The following TUSC3 variants were observed in gnomAD, a reference collection of about 807,000 sequenced individuals.
The protein encoded by TUSC3 is dolichyl-diphosphooligosaccharide--protein glycosyltransferase subunit TUSC3.
Under a neutral mutation model 44.8 loss-of-function variants are expected in TUSC3, and 45 were observed. That is an observed-to-expected ratio of 1.00 (90% CI 0.79 to 1.29). The LOEUF (loss-of-function observed/expected upper bound fraction) is 1.29, where lower values mean the gene tolerates loss of function less well. TUSC3 is among the 50% of genes most tolerant of loss of function. The pLI is 0.00. For missense variants in TUSC3, 519 were observed against 437.9 expected (o/e 1.19, Z -1.65); for synonymous variants, 212 against 152.9 (o/e 1.39, Z -2.85).
At chr8:15,776,312 A>AAC in the TUSC3 span, among the ~76,000 whole-genome samples, 1 of 152,076 alleles carries the variant, frequency 6.6e-6, no homozygotes, top group Non-Finnish European at 1.5e-5. Flanking sequence ...TTCTATCTTT[A>AAC]ACACGTTTTT....
At chr8:15,425,718 C>G (rs1163645537) in intron 1 of TUSC3, among the ~76,000 whole-genome samples, 4 of 152,216 alleles carry the variant, frequency 2.6e-5, no homozygotes, top group Non-Finnish European at 5.9e-5. Context: ...ACAAATCTCT[C>G]ATGGCTTTGA....
chr8:15,526,565 C>A (rs114271334), intron 2 of TUSC3, among the ~76,000 whole-genome samples: 6,701 of 151,994 alleles, frequency 0.044, 202 homozygotes, highest in African/African-American at 0.086. Flanking sequence ...GAGATCTTAT[C>A]GTTTTATAAT....
chr8:15,683,772 CT>C (rs1808515525), intron 6 of TUSC3, among the ~76,000 whole-genome samples: 1 of 152,036 alleles, frequency 6.6e-6, no homozygotes, highest in South Asian at 2.1e-4. Flanking sequence ...GCTTCTTTTT[CT>C]TTTTGAATTT....
chr8:15,717,744 T>C (rs1176053357), intron 6 of TUSC3, among the ~76,000 whole-genome samples: 1 of 152,098 alleles, frequency 6.6e-6, no homozygotes, highest in Non-Finnish European at 1.5e-5. Flanking sequence ...TTTTGTACCA[T>C]GTAACTTAAT....
chr8:15,619,722 G>T (rs567990274), intron 1 of TUSC3, among the ~76,000 whole-genome samples: 1 of 152,186 alleles, frequency 6.6e-6, no homozygotes, highest in East Asian at 1.9e-4. Flanking sequence ...GTGTTAGCCA[G>T]GATGGTCTCC....
At chr8:15,740,243 A>G (rs951744331) in intron 7 of TUSC3, among the ~76,000 whole-genome samples, 2 of 152,108 alleles carry the variant, frequency 1.3e-5, no homozygotes, top group Non-Finnish European at 2.9e-5. Flanking sequence ...AGATCTCCTT[A>G]TTACCTGACT....
At chr8:15,693,941 G>A (rs941428360) in intron 6 of TUSC3, among the ~76,000 whole-genome samples, 1 of 151,898 alleles carries the variant, frequency 6.6e-6, no homozygotes, top group South Asian at 2.1e-4. Context: ...GTTGATACTT[G>A]CGATTGTATT....
intron 6 of TUSC3, among the ~76,000 whole-genome samples, chr8:15,727,711 G>A (rs1810554732): frequency 6.6e-6 from 1 of 152,198 alleles, no homozygotes; most frequent in Admixed American, 6.5e-5. Flanking sequence ...TGTTTGTTTA[G>A]AAGATAGAAA....
At chr8:15,433,228 A>G (rs1262752410) in intron 1 of TUSC3, among the ~76,000 whole-genome samples, 1 of 152,108 alleles carries the variant, frequency 6.6e-6, no homozygotes, top group East Asian at 1.9e-4. Flanking sequence ...CATTGTGGAA[A>G]TGTATTCCCC....
chr8:15,810,235 G>T, the TUSC3 span, among the ~76,000 whole-genome samples: 3 of 152,130 alleles, frequency 2.0e-5, no homozygotes, highest in Admixed American at 6.6e-5. Flanking sequence ...AGGTCGTTCA[G>T]GTGATTCTGC....
At chr8:15,647,772 CTTG>C in intron 2 of TUSC3, among the ~76,000 whole-genome samples, 1 of 152,002 alleles carries the variant, frequency 6.6e-6, no homozygotes, top group Non-Finnish European at 1.5e-5. Context: ...TTATTTCAAA[CTTG>C]ATTATTTGTC....
chr8:15,741,770 T>A (rs1323218351), intron 7 of TUSC3, among the ~76,000 whole-genome samples: 2 of 152,184 alleles, frequency 1.3e-5, no homozygotes, highest in African/African-American at 4.8e-5. Context: ...TATGTGTATT[T>A]AAATGTGTAG....
chr8:15,585,973 C>G (rs1284406216), intron 1 of TUSC3, among the ~76,000 whole-genome samples: 2 of 151,934 alleles, frequency 1.3e-5, no homozygotes, highest in African/African-American at 2.4e-5. Context: ...GAGAAGATGG[C>G]TGAAGGAAAT....
At chr8:15,520,161 A>G (rs1055581033) in intron 2 of TUSC3, among the ~76,000 whole-genome samples, 1 of 152,194 alleles carries the variant, frequency 6.6e-6, no homozygotes, top group Non-Finnish European at 1.5e-5. Flanking sequence ...CAAATTCAGT[A>G]AGCACCCCTT....
intron 7 of TUSC3, among the ~76,000 whole-genome samples, chr8:15,740,737 T>G (rs1448882769): frequency 1.3e-5 from 2 of 152,136 alleles, no homozygotes; most frequent in Non-Finnish European, 2.9e-5. Flanking sequence ...CGTAGCGAAT[T>G]TGAAAATACA....
In TUSC3 at chr8:15,670,158, G is replaced by A. The variant is rs190245585; in HGVS notation, c.709-3589G>A. 4.6e-3 allele frequency among the ~76,000 whole-genome samples: 706 copies of A among 151,916 alleles called. 5 individuals carry two copies. Among genetic ancestry groups the A allele is most frequent in the African/African-American group, 0.016 (677 of 41,522 alleles). The stretch of plus-strand genomic sequence containing the variant: ...CTGATAATGGATTGGTAGACTCAAC[G>A]TTGTAAAGATACTCGTCTTGATCTT... On this transcript the variant is annotated intron_variant, in intron 5 of 10. Transcript: ENST00000503731.
Position 15,540,386 on chromosome 8 carries a change from G to C in TUSC3, c.-45G>C. 1 of 1,511,510 alleles carries C rather than the reference G, an allele frequency of 6.6e-7. No individual in the cohort carries two copies. The highest frequency in any genetic ancestry group is 8.9e-7 in the Non-Finnish European group (1 of 1,128,552). 93.6% of individuals were successfully genotyped at this position (1,511,510 alleles called of 1,614,324 possible). Reference sequence around the variant, plus strand: ...CAGGCGTGGTGCGCGGTAGGAGCTGGGCGCGCACGGCTACCGCGCGTGGAG... The same window carrying C: ...CAGGCGTGGTGCGCGGTAGGAGCTGCGCGCGCACGGCTACCGCGCGTGGAG... On this transcript the variant is annotated 5_prime_UTR_variant, in exon 1 of 11. Transcript: ENST00000503731.
At position 15,540,436 on chromosome 8, in the gene TUSC3, G is replaced by A. The variant is rs760822490; in HGVS notation, c.6G>A (p.Gly2=). 9 of 1,592,186 alleles carry A rather than the reference G, an allele frequency of 5.7e-6. No individual in the cohort carries two copies. In the East Asian group the frequency reaches 1.6e-4, roughly 28 times the overall value. ...GGAGACACTGCCCTGCCGCGATGGGGGCCCGGGGCGCTCCTTCACGCCGTA... is the reference window on the plus strand; with the variant it reads ...GGAGACACTGCCCTGCCGCGATGGGAGCCCGGGGCGCTCCTTCACGCCGTA... M[G]ARGAPSRRRQ... Residue 2 remains glycine (G), a synonymous_variant, in exon 1 of 11, where the codon GGG becomes GGA. Coordinates refer to ENST00000503731, the MANE Select transcript of TUSC3 (RefSeq NM_006765.4).
chr8:15,508,949 A>G (rs2129128000), intron 2 of TUSC3, among the ~76,000 whole-genome samples: 1 of 152,308 alleles, frequency 6.6e-6, no homozygotes, highest in East Asian at 1.9e-4. Flanking sequence ...GAAAGTTTAG[A>G]AAGTTATATA....
Sources: gnomAD v4.1 joint callset for allele counts (sites outside exome capture counted in the v4.1 genomes callset) on GRCh38, gnomAD v4.1.1 for gene constraint, MANE v1.5 for transcripts, NCBI Gene and HGNC (gene_info 2026-07-23, HGNC 2026-07-21) for gene names.